Variants in ANKRD60 observed in about 807,000 individuals in gnomAD.
ANKRD60 encodes the protein ankyrin repeat domain-containing protein 60.
In ANKRD60, 24 loss-of-function variants were observed where a neutral mutation model predicts 21.3. The ratio of observed to expected loss-of-function variants is 1.13; its 90% confidence interval spans 0.82 to 1.59. The LOEUF is 1.59. Ranked by LOEUF, ANKRD60 falls within the 40% of genes most tolerant of loss-of-function variation. The pLI, the probability that ANKRD60 is intolerant of heterozygous loss-of-function variation, is 0.00. For synonymous variants in ANKRD60, 182 were observed against 199.4 expected, an observed-to-expected ratio of 0.91 and a Z score of 0.74; for missense variants, 490 against 466.7, an observed-to-expected ratio of 1.05 and a Z score of -0.46.
downstream of ANKRD60, among the ~76,000 whole-genome samples, chr20:58,217,669 A>T (rs1027195154): frequency 9.9e-5 from 15 of 152,198 alleles, no homozygotes; most frequent in South Asian, 4.1e-4. Flanking sequence ...GCAATGCGGT[A>T]TAAGGTTTTG....
intron 2 of ANKRD60, among the ~76,000 whole-genome samples, chr20:58,221,914 G>A (rs1215509091): frequency 6.6e-6 from 1 of 152,144 alleles, no homozygotes; most frequent in Non-Finnish European, 1.5e-5. Flanking sequence ...CTATTTGTGT[G>A]CCCACTGTCT....
At chr20:58,222,241 AG>A (rs1984273377) in intron 2 of ANKRD60, among the ~76,000 whole-genome samples, 1 of 152,098 alleles carries the variant, frequency 6.6e-6, no homozygotes, top group African/African-American at 2.4e-5. Flanking sequence ...AGTGTGGAGG[AG>A]GAGGAGCGGG....
rs372502957 is a variant in ANKRD60 at position 58,223,719 on chromosome 20, G to C, written c.431-537C>G. Among the ~76,000 whole-genome samples, 8 of 152,276 alleles carry C rather than the reference G, an allele frequency of 5.3e-5. No individual in the cohort carries two copies. In the East Asian group the frequency reaches 1.4e-3, roughly 26 times the overall value. ...AGTTTAGACTGGGTAACTCCTTGTG[G>C]CAGGGGCCCCTCCTCGTTGTCTGGT... is the stretch of plus-strand genomic sequence containing the variant. On this transcript the variant is annotated intron_variant, in intron 1 of 3. Transcript: ENST00000457363.
At position 58,228,369 on chromosome 20, in the gene ANKRD60, G is replaced by A. The variant is rs1984410678; in HGVS notation, c.285C>T (p.Val95=). Reference sequence around the variant, plus strand: ...CCGTCTCCTCCAGCCGCACCCGCAGGACGAAGACGTCAGGGGCCAAGTCGG... The same window carrying A: ...CCGTCTCCTCCAGCCGCACCCGCAGAACGAAGACGTCAGGGGCCAAGTCGG... The change falls in exon 1 of 4, where the codon GTC becomes GTT. Residue 95 remains valine, a synonymous_variant. Coordinates refer to ENST00000457363, the Ensembl canonical transcript of ANKRD60. This position sits in a 1 kb window ranked among gnomAD's most constrained non-coding sequence, Gnocchi z 5.3. 3 of 1,549,852 alleles carry A rather than the reference G, an allele frequency of 1.9e-6. No homozygotes were observed. The highest frequency in any genetic ancestry group is 2.4e-5 in the South Asian group (2 of 84,062).
intron 2 of ANKRD60, among the ~76,000 whole-genome samples, chr20:58,222,363 G>T (rs73308808): frequency 6.6e-6 from 1 of 152,124 alleles, no homozygotes; most frequent in African/African-American, 2.4e-5. Flanking sequence ...TTCCAAGAGC[G>T]CCAATCCCAG....
chr20:58,228,079 C>G lies in ANKRD60; in HGVS notation c.430+145G>C, dbSNP rs1984400060. The G allele has an allele frequency of 1.3e-6, 1 of 795,844 alleles. No individual in the cohort carries two copies. Among genetic ancestry groups the G allele is most frequent in the East Asian group, 2.8e-5 (1 of 35,666 alleles). 49.3% of individuals were successfully genotyped at this position (795,844 alleles called of 1,614,324 possible). On this transcript the variant is annotated intron_variant, in intron 1 of 3. Coordinates refer to ENST00000457363, the Ensembl canonical transcript of ANKRD60. The surrounding 1 kb of genome is among the most constrained non-coding windows in gnomAD (Gnocchi z 5.3). ...CCAGGACCCTAAGTGGCCCTTCCAT[C>G]TGGGTTTCAGGGTGGTTGGGTTTCA...
intron 2 of ANKRD60, 139 bp downstream of exon 2, chr20:58,222,905 TATTTCATA>T (rs1473277867): frequency 9.4e-7 from 1 of 1,064,624 alleles, no homozygotes. Flanking sequence ...CTCAGTGCGG[TATTTCATA>T]ATTATGACAC....
rs1299599299 is a variant in ANKRD60 at position 58,228,537 on chromosome 20, GCTC to G, written c.114_116del (p.Arg38del). ...ACCCCTGAGCCCCGGCCCGCGCACC[GCTC>G]CTGCGTCCCGCATTGGGGTGCAGGC... On this transcript the variant is annotated inframe_deletion, in exon 1 of 4. Transcript: ENST00000457363. The surrounding 1 kb of genome is among the most constrained non-coding windows in gnomAD (Gnocchi z 5.3). 6.0e-6 allele frequency: 8 copies of G among 1,326,598 alleles called. 1 individual carries two copies. In the South Asian group the frequency reaches 1.4e-4, roughly 23 times the overall value. The allele number at this position is 1,326,598 out of a possible 1,614,324, so 82.2% of individuals were successfully genotyped here.
Position 58,222,951 on chromosome 20 carries a change from G to T in ANKRD60, c.561+101C>A, listed in dbSNP as rs1004193637. ...CTCATCGTTCTCTCTTCCCTGCTCT[G>T]AAACTGTTATTCACATATCCGTATT... On this transcript the variant is annotated intron_variant, in intron 2 of 3. Transcript: ENST00000457363. 4 of 1,350,494 alleles carry T rather than the reference G, an allele frequency of 3.0e-6. No individual in the cohort carries two copies. In the South Asian group the frequency reaches 6.8e-5, roughly 23 times the overall value. 83.7% of individuals were successfully genotyped at this position (1,350,494 alleles called of 1,614,324 possible).
chr20:58,223,090 C>G, exon 2 of ANKRD60: 1 of 1,551,792 alleles, frequency 6.4e-7, no homozygotes, highest in Non-Finnish European at 8.7e-7. Context: ...AAAACAAGTT[C>G]TGTCCATCCG....
chr20:58,224,914 C>A (rs1239288566), intron 1 of ANKRD60, among the ~76,000 whole-genome samples: 1 of 152,162 alleles, frequency 6.6e-6, no homozygotes, highest in Non-Finnish European at 1.5e-5. Flanking sequence ...TAAGGGCAAC[C>A]CTGGCCCATG....
intron 1 of ANKRD60, among the ~76,000 whole-genome samples, chr20:58,224,702 A>G (rs768541427): frequency 5.9e-5 from 9 of 152,254 alleles, no homozygotes; most frequent in Admixed American, 1.3e-4. Flanking sequence ...AAGTAAGACA[A>G]CTTGACTCCC....
downstream of ANKRD60, among the ~76,000 whole-genome samples, chr20:58,217,949 C>G (rs913729450): frequency 6.6e-6 from 1 of 152,138 alleles, no homozygotes; most frequent in South Asian, 2.1e-4. Flanking sequence ...GACAGCCAAG[C>G]TCACCCAGCT....
chr20:58,220,098 TGACA>T (rs1984215360), intron 3 of ANKRD60, among the ~76,000 whole-genome samples: 1 of 152,224 alleles, frequency 6.6e-6, no homozygotes, highest in East Asian at 1.9e-4. Flanking sequence ...ATGACTGAGC[TGACA>T]GAGGCTGGAG....
chr20:58,220,911 G>C lies in ANKRD60; in HGVS notation c.727+427C>G, dbSNP rs1255492482. On this transcript the variant is annotated intron_variant, in intron 3 of 3. Coordinates refer to ENST00000457363, the Ensembl canonical transcript of ANKRD60. ...GCCTTCCAAAGTGCTGAGATTACAG[G>C]CATGAGCCACCGTGCCTGGCCAGAG... Among the ~76,000 whole-genome samples the C allele has an allele frequency of 5.3e-5, 8 of 152,234 alleles. 1 individual carries two copies. In the East Asian group the frequency reaches 1.2e-3, roughly 22 times the overall value.
chr20:58,223,193 A>G lies in ANKRD60; in HGVS notation c.431-11T>C. ...CATCCATCAAAACTCCTGCAGGGAA[A>G]AATTTTTTTTCTTTTAAAAAATTGG... is the stretch of plus-strand genomic sequence containing the variant. On this transcript the variant is annotated splice_polypyrimidine_tract_variant and intron_variant, in intron 1 of 3. Coordinates refer to ENST00000457363, the Ensembl canonical transcript of ANKRD60. 1.3e-6 allele frequency: 2 copies of G among 1,533,914 alleles called. No individual in the cohort carries two copies. The highest frequency in any genetic ancestry group is 1.8e-6 in the Non-Finnish European group (2 of 1,141,044).
chr20:58,220,586 A>G (rs1230360132), intron 3 of ANKRD60, among the ~76,000 whole-genome samples: 1 of 151,898 alleles, frequency 6.6e-6, no homozygotes, highest in Non-Finnish European at 1.5e-5. Flanking sequence ...GTCTTGTGAG[A>G]AAATAATAAC....
chr20:58,218,949 T>A, intron 3 of ANKRD60, 144 bp from the exon 4 acceptor site: 1 of 708,038 alleles, frequency 1.4e-6, no homozygotes, highest in Non-Finnish European at 2.3e-6. Flanking sequence ...TCCACTCCCC[T>A]GGCAGCAGCC....
chr20:58,217,665 C>T (rs182910866), downstream of ANKRD60, among the ~76,000 whole-genome samples: 2 of 151,950 alleles, frequency 1.3e-5, no homozygotes, highest in East Asian at 1.9e-4. Flanking sequence ...TCCTGCAATG[C>T]GGTATAAGGT....
Sources: gnomAD v4.1 joint callset for allele counts (sites outside exome capture counted in the v4.1 genomes callset) on GRCh38, gnomAD v4.1.1 for gene constraint, Gnocchi (gnomAD v3.1) non-coding constraint, MANE v1.5 for transcripts, NCBI Gene and HGNC (gene_info 2026-07-23, HGNC 2026-07-21) for gene names.